The following COL27A1 variants were observed in gnomAD, a reference collection of about 807,000 sequenced individuals.
COL27A1 encodes the protein collagen alpha-1(XXVII) chain.
In COL27A1, 106 loss-of-function variants were observed where a neutral mutation model predicts 251.3. The ratio of observed to expected loss-of-function variants is 0.42; its 90% CI spans 0.36 to 0.50. The LOEUF is 0.50. Ranked by LOEUF, COL27A1 falls within the 20% of genes least tolerant of loss-of-function variation. COL27A1 has a pLI of 0.00. For synonymous variants in COL27A1, 1,000 were observed against 986.3 expected (o/e 1.01, Z -0.26); for missense variants, 2,325 against 2,522.8 (o/e 0.92, Z 1.68).
chr9:114,161,020 C>T (rs536990228), intron 1 of COL27A1, among the ~76,000 whole-genome samples: 23 of 152,236 alleles, frequency 1.5e-4, no homozygotes, highest in Admixed American at 2.6e-4. Context: ...ATAGTTTAAA[C>T]GATAAGGGGG....
intron 49 of COL27A1, 50 bp downstream of exon 49, chr9:114,292,260 C>A: frequency 7.4e-7 from 1 of 1,347,388 alleles, no homozygotes; most frequent in Non-Finnish European, 1.0e-6. Flanking sequence ...CACATGCACA[C>A]ACTCACATAC....
intron 41 of COL27A1, 85 bp from the exon 42 acceptor site, chr9:114,288,370 T>C: frequency 1.4e-6 from 2 of 1,397,958 alleles, no homozygotes; most frequent in South Asian, 2.4e-5. Flanking sequence ...CTAGAATTCA[T>C]CTCTGACGAA....
rs149637386 is a variant in COL27A1, at chr9:114,166,100, T to G, written c.134-1589T>G. ...GCCAGTCATTATCCATCCATTCATC[T>G]ATCTATCCATCCATCCCTTCATCTA... On this transcript the variant is annotated intron_variant, in intron 2 of 60. Coordinates refer to ENST00000356083, the MANE Select transcript of COL27A1 (RefSeq NM_032888.4). Among the ~76,000 whole-genome samples the G allele has an allele frequency of 5.5e-3, 830 of 151,432 alleles. 7 individuals are homozygous for G. Among genetic ancestry groups the G allele is most frequent in the African/African-American group, 0.019 (799 of 41,238 alleles).
chr9:114,161,526 C>G (rs1257611702), intron 1 of COL27A1, among the ~76,000 whole-genome samples: 1 of 152,162 alleles, frequency 6.6e-6, no homozygotes, highest in Non-Finnish European at 1.5e-5. Flanking sequence ...TGGGAAGAAC[C>G]TAGGGTTCCA....
rs766736570 is a variant in COL27A1 at position 114,245,871 on chromosome 9, A to T, written c.2940A>T (p.Glu980Asp). Residue 980 changes from glutamate to aspartate, a missense_variant, in exon 24 of 61, where the codon GAA becomes GAT. By Grantham distance (45) the Glu-to-Asp change is conservative (BLOSUM62 2). Around this residue, in one of 4 missense-constraint regions of COL27A1, gnomAD observed 662 missense variants for 795.3 expected, o/e 0.83. Coordinates refer to ENST00000356083, the MANE Select transcript of COL27A1 (RefSeq NM_032888.4). ...GRPGLDGVKG[E>D]PGDPGRPGPV... ...TCCTCTTTGTCTCTTTGCAGGGGGA[A>T]CCAGGGGATCCTGGTCGGCCGGGGC... is the stretch of plus-strand genomic sequence containing the variant. 2 of 1,613,272 alleles carry T rather than the reference A, an allele frequency of 1.2e-6. No individual in the cohort carries two copies. Among genetic ancestry groups the T allele is most frequent in the African/African-American group, 1.3e-5 (1 of 74,890 alleles).
chr9:114,283,781 A>G lies in COL27A1; in HGVS notation c.3933+19A>G. 1 of 1,612,242 alleles carries G rather than the reference A, an allele frequency of 6.2e-7. No homozygotes were observed. Among genetic ancestry groups the G allele is most frequent in the Non-Finnish European group, 8.5e-7 (1 of 1,179,052 alleles). On this transcript the variant is annotated intron_variant, in intron 40 of 60. Coordinates refer to ENST00000356083, the MANE Select transcript of COL27A1 (RefSeq NM_032888.4). ...TTATGATGTAAGCAGATATCACCTC[A>G]CCCCACCCCCCGACTCTGTCCTGCA...
At chr9:114,170,786 C>G (rs528720282) in intron 3 of COL27A1, among the ~76,000 whole-genome samples, 9 of 152,368 alleles carry the variant, frequency 5.9e-5, no homozygotes, top group African/African-American at 2.2e-4. Context: ...GAACGAGGAA[C>G]CCTTTTCACC....
chr9:114,157,942 C>T (rs541289187), intron 1 of COL27A1, among the ~76,000 whole-genome samples: 6 of 152,302 alleles, frequency 3.9e-5, no homozygotes, highest in Admixed American at 1.3e-4. Context: ...GCTCAGTAAA[C>T]GGCAGCTGGT....
chr9:114,264,339 C>CT lies in COL27A1; in HGVS notation c.3196-11dup. 1.3e-6 allele frequency: 2 copies of CT among 1,584,586 alleles called. No homozygotes were observed. Among genetic ancestry groups the CT allele is most frequent in the Admixed American group, 3.5e-5 (2 of 57,496 alleles). Reference sequence around the variant, plus strand: ...CCCCTGCTGTCCGGTGTGCTAGTCCCTTTTTCCTATTCCAGGGCCCCCGAG... The same window carrying CT: ...CCCCTGCTGTCCGGTGTGCTAGTCCCTTTTTTCCTATTCCAGGGCCCCCGAG... On this transcript the variant is annotated splice_polypyrimidine_tract_variant and intron_variant, in intron 28 of 60. Transcript: ENST00000356083.
At chr9:114,188,737 G>T (rs1828553963) in intron 5 of COL27A1, among the ~76,000 whole-genome samples, 2 of 152,142 alleles carry the variant, frequency 1.3e-5, no homozygotes, top group South Asian at 2.1e-4. Context: ...TTCTAGAAAG[G>T]TTAAACTGAT....
At chr9:114,245,788 A>C in intron 23 of COL27A1, 78 bp from the exon 24 acceptor site, 1 of 1,366,510 alleles carries the variant, frequency 7.3e-7, no homozygotes, top group Non-Finnish European at 1.0e-6. Context: ...AGCTAAGGCC[A>C]GCAGGCCTGG....
intron 23 of COL27A1, among the ~76,000 whole-genome samples, chr9:114,244,262 G>T (rs1214995030): frequency 7.9e-5 from 12 of 152,114 alleles, no homozygotes; most frequent in Non-Finnish European, 8.8e-5. Context: ...CAGAGCAGAG[G>T]CTAGAAAGTG....
At chr9:114,245,316 C>T (rs1833057999) in intron 23 of COL27A1, among the ~76,000 whole-genome samples, 1 of 152,074 alleles carries the variant, frequency 6.6e-6, no homozygotes, top group Non-Finnish European at 1.5e-5. Context: ...GCACCACACC[C>T]AGCTAATTTT....
At chr9:114,301,206 G>T in intron 52 of COL27A1, 78 bp from the exon 53 acceptor site, 1 of 1,609,956 alleles carries the variant, frequency 6.2e-7, no homozygotes, top group Non-Finnish European at 8.5e-7. Flanking sequence ...CTCAGTGCCA[G>T]TCTGAGCCTC....
chr9:114,288,913 G>C lies in COL27A1; in HGVS notation c.4099-1G>C. ...CTCACCTGTCTCTCTTTGGCTTCCA[G>C]GGACAGGAGGGTGTGCAAGGCCTCC... On this transcript the variant is annotated splice_acceptor_variant, in intron 43 of 60. Transcript: ENST00000356083. LOFTEE classifies it high-confidence loss of function. 1 of 1,613,654 alleles carries C rather than the reference G, an allele frequency of 6.2e-7. No homozygotes were observed. The highest frequency in any genetic ancestry group is 8.5e-7 in the Non-Finnish European group (1 of 1,179,960).
Position 114,290,996 on chromosome 9 carries a change from G to A in COL27A1, c.4476+79G>A. ...AGACTCTAGTGGTTCCGACCCTTTG[G>A]GCACCCATGTCCCAGGGCCTGTGTG... On this transcript the variant is annotated intron_variant, in intron 48 of 60. Transcript: ENST00000356083. The surrounding 1 kb of genome is among the most constrained non-coding windows in gnomAD (Gnocchi z 4.6). 2 of 1,014,344 alleles carry A rather than the reference G, an allele frequency of 2.0e-6. No homozygotes were observed. The allele number at this position is 1,014,344 out of a possible 1,614,324, so 62.8% of individuals were successfully genotyped here.
intron 28 of COL27A1, among the ~76,000 whole-genome samples, chr9:114,262,695 C>T (rs1459546613): frequency 3.3e-5 from 5 of 152,266 alleles, no homozygotes; most frequent in Admixed American, 6.5e-5. Context: ...ATTTCCTGAG[C>T]AGCCCGGTGC....
intron 7 of COL27A1, among the ~76,000 whole-genome samples, chr9:114,203,896 G>A (rs530276891): frequency 1.3e-5 from 2 of 152,216 alleles, no homozygotes; most frequent in East Asian, 1.9e-4. Context: ...CAGAGTAGGC[G>A]TCTTCAGTTC....
Position 114,221,195 on chromosome 9 carries a change from C to T in COL27A1, c.2422-1028C>T, listed in dbSNP as rs558888990. Reference sequence around the variant, plus strand: ...GGGATGGGTGGGATCAGAGAGGTCCCAGGTGCCTCTTTGGAGAAGGGAACA... The same window carrying T: ...GGGATGGGTGGGATCAGAGAGGTCCTAGGTGCCTCTTTGGAGAAGGGAACA... On this transcript the variant is annotated intron_variant, in intron 13 of 60. Coordinates refer to ENST00000356083, the MANE Select transcript of COL27A1 (RefSeq NM_032888.4). Among the ~76,000 whole-genome samples, 4 of 152,116 alleles carry T rather than the reference C, an allele frequency of 2.6e-5. No homozygotes were observed. In the South Asian group the frequency reaches 8.3e-4, roughly 32 times the overall value.
Sources: gnomAD v4.1 joint callset for allele counts (sites outside exome capture counted in the v4.1 genomes callset) on GRCh38, gnomAD v4.1.1 for gene constraint, gnomAD v4.1.1 regional missense constraint, Gnocchi (gnomAD v3.1) non-coding constraint, MANE v1.5 for transcripts, NCBI Gene and HGNC (gene_info 2026-07-23, HGNC 2026-07-21) for gene names.